The following SIN3B variants were observed in gnomAD, a reference collection of about 807,000 sequenced individuals.
SIN3B encodes paired amphipathic helix protein Sin3b.
Under a neutral mutation model 120.2 loss-of-function variants are expected in SIN3B, and 19 were observed. That is an observed-to-expected ratio of 0.16 (90% confidence interval 0.11 to 0.23). The LOEUF is 0.23. Among genes scored for constraint, SIN3B ranks in the 10% least tolerant of loss-of-function variants. The pLI, the probability that SIN3B is intolerant of heterozygous loss-of-function variation, is 1.00. For missense variants in SIN3B, 1,073 were observed against 1,573.0 expected, an observed-to-expected ratio of 0.68 and a Z score of 5.38; for synonymous variants, 654 against 653.2, an observed-to-expected ratio of 1.00 and a Z score of -0.02.
At chr19:16,855,899 A>G (rs1440760824) in intron 8 of SIN3B, among the ~76,000 whole-genome samples, 2 of 151,726 alleles carry the variant, frequency 1.3e-5, no homozygotes, top group Non-Finnish European at 2.9e-5. Context: ...CTACCAAAAA[A>G]TATAAAAATT....
chr19:16,841,992 T>C (rs1971424015), intron 4 of SIN3B, 24 bp downstream of exon 4: 1 of 1,593,818 alleles, frequency 6.3e-7, no homozygotes, highest in South Asian at 1.1e-5. Context: ...TTACAATTCC[T>C]TGTGGGTTTT....
rs143896944 is a variant in SIN3B at position 16,830,251 on chromosome 19, C to A, written c.227+354C>A. On this transcript the variant is annotated intron_variant, in intron 2 of 18. Coordinates refer to ENST00000248054, the MANE Select transcript of SIN3B (RefSeq NM_001297595.2). Reference sequence around the variant, plus strand: ...ACCCATTTTGATTTTTATTTTCAAGCGCTGTAAAATGTTATTGTCTTGATG... The same window carrying A: ...ACCCATTTTGATTTTTATTTTCAAGAGCTGTAAAATGTTATTGTCTTGATG... 5.8e-3 allele frequency among the ~76,000 whole-genome samples: 887 copies of A among 152,200 alleles called. 8 individuals carry two copies. Among genetic ancestry groups the A allele is most frequent in the African/African-American group, 0.018 (743 of 41,520 alleles).
chr19:16,839,320 C>A (rs991545819), intron 3 of SIN3B, among the ~76,000 whole-genome samples: 1 of 152,164 alleles, frequency 6.6e-6, no homozygotes, highest in African/African-American at 2.4e-5. Context: ...TGGTTATAGA[C>A]CTGGGAGTGG....
rs556960350 is a variant in SIN3B at position 16,876,446 on chromosome 19, T to TGTGCC, written c.2767-38_2767-34dup. On this transcript the variant is annotated intron_variant, in intron 15 of 18. Transcript: ENST00000248054. The surrounding 1 kb of genome is among the most constrained non-coding windows in gnomAD (Gnocchi z 7.1). ...CGAGCCTGCGCTGTGCCGGCTGGGC[T>TGTGCC]GTGCCGGCAGTGGAGGCTGTCAGCG... 5.3e-4 allele frequency: 849 copies of TGTGCC among 1,592,658 alleles called. 5 individuals carry two copies. The African/African-American group carries it at 0.01, about 19-fold the overall frequency.
At chr19:16,853,914 C>T (rs541807617) in intron 7 of SIN3B, among the ~76,000 whole-genome samples, 53 of 150,840 alleles carry the variant, frequency 3.5e-4, no homozygotes, top group African/African-American at 1.2e-3. Flanking sequence ...TGAATTGCTA[C>T]ACAGATTATG....
chr19:16,840,651 T>G (rs1329637697), intron 3 of SIN3B, among the ~76,000 whole-genome samples: 1 of 152,210 alleles, frequency 6.6e-6, no homozygotes, highest in Non-Finnish European at 1.5e-5. Context: ...TTGGGTCACC[T>G]GCAGTGTTGG....
intron 3 of SIN3B, among the ~76,000 whole-genome samples, chr19:16,834,429 C>G (rs1396052989): frequency 6.6e-6 from 1 of 152,190 alleles, no homozygotes; most frequent in African/African-American, 2.4e-5. Context: ...GGAGTTGGCT[C>G]TTCCTTTAAG....
Position 16,862,590 on chromosome 19 carries a change from G to T in SIN3B, c.1266+31G>T. ...GCTCCCTGGGGCTCAAATGTTCGTT[G>T]ACATGGTGCATCCCCCACCCCTCCC... On this transcript the variant is annotated intron_variant, in intron 9 of 18. Coordinates refer to ENST00000248054, the MANE Select transcript of SIN3B (RefSeq NM_001297595.2). This position sits in a 1 kb window ranked among gnomAD's most constrained non-coding sequence, Gnocchi z 4.7. 6.3e-7 allele frequency: 1 copy of T among 1,579,608 alleles called. No homozygotes were observed. The highest frequency in any genetic ancestry group is 1.1e-5 in the South Asian group (1 of 89,882).
chr19:16,836,556 T>G (rs185743729), intron 3 of SIN3B, among the ~76,000 whole-genome samples: 1 of 152,310 alleles, frequency 6.6e-6, no homozygotes, highest in Non-Finnish European at 1.5e-5. Context: ...TCTTATTGGT[T>G]TTCCTTCCTT....
chr19:16,851,031 C>G (rs1423754106), intron 5 of SIN3B, among the ~76,000 whole-genome samples: 1 of 152,272 alleles, frequency 6.6e-6, no homozygotes, highest in African/African-American at 2.4e-5. Context: ...GTTTCTCTGT[C>G]CACTGCACCT....
chr19:16,857,515 A>ATGTG (rs1555742137), intron 8 of SIN3B, among the ~76,000 whole-genome samples: 35 of 62,220 alleles, frequency 5.6e-4, no homozygotes, highest in African/African-American at 2.1e-3. Context: ...CTTAAAAAAA[A>ATGTG]TATGTGTGTG....
chr19:16,837,030 T>A (rs1599588968), intron 3 of SIN3B, among the ~76,000 whole-genome samples: 1 of 151,400 alleles, frequency 6.6e-6, no homozygotes, highest in East Asian at 1.9e-4. Context: ...CAGATGCGGG[T>A]GGCGCATGGG....
At chr19:16,849,430 A>G (rs974724252) in intron 5 of SIN3B, among the ~76,000 whole-genome samples, 4 of 152,310 alleles carry the variant, frequency 2.6e-5, no homozygotes, top group African/African-American at 9.6e-5. Flanking sequence ...GTGGCCGGGT[A>G]CCAACAAAAC....
At chr19:16,833,267 T>C (rs1045492615) in intron 3 of SIN3B, among the ~76,000 whole-genome samples, 4 of 152,158 alleles carry the variant, frequency 2.6e-5, no homozygotes, top group African/African-American at 9.7e-5. Context: ...CCGCAGTCAG[T>C]TGGAAAGAGA....
intron 3 of SIN3B, among the ~76,000 whole-genome samples, chr19:16,835,332 G>A (rs960645558): frequency 6.6e-6 from 1 of 150,836 alleles, no homozygotes; most frequent in African/African-American, 2.4e-5. Context: ...GGGTTCAAGT[G>A]ATTCTCCTGC....
chr19:16,841,957 C>T lies in SIN3B; in HGVS notation c.571C>T (p.His191Tyr). 2 of 1,613,534 alleles carry T rather than the reference C, an allele frequency of 1.2e-6. No individual in the cohort carries two copies. The highest frequency in any genetic ancestry group is 2.2e-5 in the East Asian group (1 of 44,870). ...CTACAGGTCATTCCTGGAGATCCTG[C>T]ACACGTACCAGGTAAGAACTCAGAT... The part of the protein sequence containing the change: ...EIYRSFLEIL[H>Y]TYQKEQLNTR... The change falls in exon 4 of 19, where the codon CAC becomes TAC. Residue 191 changes from histidine (H) to tyrosine (Y), a missense_variant. This residue lies in a region of SIN3B where 395 missense variants were observed against 528.0 expected (regional missense o/e 0.75). Coordinates refer to ENST00000248054, the MANE Select transcript of SIN3B (RefSeq NM_001297595.2).
intron 3 of SIN3B, among the ~76,000 whole-genome samples, chr19:16,835,965 C>G (rs896167529): frequency 2.6e-5 from 4 of 152,150 alleles, no homozygotes; most frequent in African/African-American, 9.7e-5. Context: ...CTTAGTTTTT[C>G]TAGTTTGACT....
At chr19:16,856,852 G>C (rs950557306) in intron 8 of SIN3B, among the ~76,000 whole-genome samples, 1 of 152,132 alleles carries the variant, frequency 6.6e-6, no homozygotes, top group Non-Finnish European at 1.5e-5. Flanking sequence ...GATTATGGGC[G>C]TGAGCCACCA....
At chr19:16,871,485 G>T in intron 14 of SIN3B, 87 bp downstream of exon 14, 1 of 1,265,530 alleles carries the variant, frequency 7.9e-7, no homozygotes, top group South Asian at 1.5e-5. Context: ...GGGGGCCCGT[G>T]GTCAGCACAG....
Sources: allele counts gnomAD v4.1 joint callset (sites outside exome capture counted in the v4.1 genomes callset), GRCh38; gene constraint gnomAD v4.1.1; regional missense constraint gnomAD v4.1.1; non-coding constraint Gnocchi (gnomAD v3.1); transcripts MANE v1.5; gene names NCBI Gene and HGNC (gene_info 2026-07-23, HGNC 2026-07-21).